Variants in RERE observed in about 807,000 individuals in gnomAD.
RERE encodes arginine-glutamic acid dipeptide repeats.
Under a neutral mutation model 146.1 loss-of-function variants are expected in RERE, and 40 were observed. The observed-to-expected ratio is 0.27, with a 90% CI of 0.21 to 0.36. RERE has a LOEUF of 0.36. Ranked by LOEUF, RERE falls within the 10% of genes least tolerant of loss-of-function variation. The probability of loss-of-function intolerance (pLI) is 1.00; values close to 1 mark genes in which losing one functional copy is unlikely to be tolerated. For missense variants in RERE, 1,933 were observed against 2,138.7 expected, an observed-to-expected ratio of 0.90 and a Z score of 1.90; for synonymous variants, 1,003 against 866.0, an observed-to-expected ratio of 1.16 and a Z score of -2.78.
intron 1 of RERE, among the ~76,000 whole-genome samples, chr1:8,670,412 G>C (rs139098594): frequency 6.6e-6 from 1 of 152,150 alleles, no homozygotes; most frequent in South Asian, 2.1e-4. Context: ...GCTATGTCCA[G>C]AACACACACA....
chr1:8,766,387 A>C (rs1440119450), intron 1 of RERE, among the ~76,000 whole-genome samples: 1 of 151,948 alleles, frequency 6.6e-6, no homozygotes, highest in African/African-American at 2.4e-5. Context: ...TAAAAATCAA[A>C]AAATTAGCTG....
At chr1:8,607,076 G>C (rs989942970) in intron 4 of RERE, among the ~76,000 whole-genome samples, 2 of 152,090 alleles carry the variant, frequency 1.3e-5, no homozygotes, top group African/African-American at 4.8e-5. Context: ...AGAAGATATT[G>C]CCGGCCAGAC....
intron 10 of RERE, among the ~76,000 whole-genome samples, chr1:8,466,545 C>T (rs1026207109): frequency 1.3e-5 from 2 of 152,052 alleles, no homozygotes; most frequent in African/African-American, 4.8e-5. Flanking sequence ...CCTCATTCTC[C>T]GCAAAGCAGC....
chr1:8,564,006 A>C (rs1646109267), intron 4 of RERE, among the ~76,000 whole-genome samples: 1 of 152,238 alleles, frequency 6.6e-6, no homozygotes, highest in Admixed American at 6.5e-5. Flanking sequence ...ATCTCCCTTC[A>C]AGTGTGCTCA....
chr1:8,512,318 C>T (rs1314436801), intron 7 of RERE, among the ~76,000 whole-genome samples: 1 of 151,980 alleles, frequency 6.6e-6, no homozygotes, highest in African/African-American at 2.4e-5. Context: ...CAGGCGTGAG[C>T]CACCGCGCCC....
chr1:8,619,536 C>T (rs1349103338), intron 3 of RERE, among the ~76,000 whole-genome samples: 2 of 152,168 alleles, frequency 1.3e-5, no homozygotes. Context: ...ATGCAAGAAT[C>T]CACACTGAAT....
In RERE at chr1:8,497,400, A is replaced by C. The variant is rs758374382; in HGVS notation, c.1004+5T>G. 1.9e-6 allele frequency: 3 copies of C among 1,614,076 alleles called. No homozygotes were observed. Among genetic ancestry groups the C allele is most frequent in the South Asian group, 2.2e-5 (2 of 91,084 alleles). The stretch of plus-strand genomic sequence containing the variant: ...GAAAGCAGGATGGGGGTAGATTCCT[A>C]TTACCTTGCTGCCCTCAAGTACATA... On this transcript the variant is annotated splice_donor_5th_base_variant and intron_variant, in intron 9 of 22. Transcript: ENST00000400908.
chr1:8,801,811 T>C (rs1557551526), intron 1 of RERE, among the ~76,000 whole-genome samples: 1 of 152,206 alleles, frequency 6.6e-6, no homozygotes, highest in Non-Finnish European at 1.5e-5. Context: ...CACATACTTG[T>C]ACAATAGTAC....
intron 12 of RERE, among the ~76,000 whole-genome samples, chr1:8,385,602 A>C (rs1435712095): frequency 6.6e-6 from 1 of 152,102 alleles, no homozygotes; most frequent in Non-Finnish European, 1.5e-5. Context: ...GTGACCAAAC[A>C]AAACAATGTA....
intron 12 of RERE, among the ~76,000 whole-genome samples, chr1:8,378,777 A>G (rs1466594806): frequency 6.6e-6 from 1 of 152,188 alleles, no homozygotes; most frequent in Non-Finnish European, 1.5e-5. Context: ...ACATAAGCCT[A>G]AGGACAGGGC....
At chr1:8,773,399 AAAG>A (rs1262343325) in intron 1 of RERE, among the ~76,000 whole-genome samples, 4 of 152,306 alleles carry the variant, frequency 2.6e-5, no homozygotes, top group African/African-American at 7.2e-5. Context: ...GCAGATGCTG[AAAG>A]AAGGTTGCTG....
At chr1:8,736,074 G>T (rs1464009968) in intron 1 of RERE, among the ~76,000 whole-genome samples, 1 of 152,166 alleles carries the variant, frequency 6.6e-6, no homozygotes, top group African/African-American at 2.4e-5. Flanking sequence ...AGTAAATATG[G>T]TAAATGTATA....
chr1:8,450,414 T>C (rs1228259262), intron 11 of RERE, among the ~76,000 whole-genome samples: 3 of 150,518 alleles, frequency 2.0e-5, no homozygotes, highest in Non-Finnish European at 4.4e-5. Context: ...TCCCTCTCCA[T>C]GGGACCTAAA....
At chr1:8,381,918 G>C (rs1642474677) in intron 12 of RERE, among the ~76,000 whole-genome samples, 1 of 152,176 alleles carries the variant, frequency 6.6e-6, no homozygotes, top group South Asian at 2.1e-4. Context: ...GCTGCACTGT[G>C]GTCCAATGAC....
chr1:8,392,424 G>A lies in RERE; in HGVS notation c.1285-26450C>T, dbSNP rs561918606. On this transcript the variant is annotated intron_variant, in intron 12 of 22. Transcript: ENST00000400908. ...AATATCTCTATCTATATATCTCTCT[G>A]TCTATCCATCTATCTATCTAGATAA... 3.4e-4 allele frequency among the ~76,000 whole-genome samples: 51 copies of A among 152,204 alleles called. 2 individuals carry two copies. The South Asian group carries it at 0.011, about 32-fold the overall frequency.
intron 12 of RERE, among the ~76,000 whole-genome samples, chr1:8,413,114 C>T (rs905195950): frequency 1.3e-5 from 2 of 152,096 alleles, no homozygotes; most frequent in South Asian, 2.1e-4. Context: ...TTTATACATG[C>T]GTGAACACAC....
Position 8,467,069 on chromosome 1 carries a change from G to T in RERE, c.1105-1046C>A, listed in dbSNP as rs148908415. Among the ~76,000 whole-genome samples the T allele has an allele frequency of 1.2e-4, 19 of 152,246 alleles. No homozygotes were observed. In the East Asian group the frequency reaches 3.3e-3, roughly 26 times the overall value. On this transcript the variant is annotated intron_variant, in intron 10 of 22. Coordinates refer to ENST00000400908, the MANE Select transcript of RERE (RefSeq NM_001042681.2). ...TCTCCAGTGCTGAACACAGTCCATA[G>T]TATAAGGTAATACTCCAGAAAAACT...
At chr1:8,752,579 G>C (rs1640560425) in intron 1 of RERE, among the ~76,000 whole-genome samples, 1 of 152,122 alleles carries the variant, frequency 6.6e-6, no homozygotes, top group South Asian at 2.1e-4. Flanking sequence ...TAAGAACACT[G>C]ACAAACTGAG....
At chr1:8,591,450 A>C (rs562691376) in intron 4 of RERE, among the ~76,000 whole-genome samples, 1 of 152,112 alleles carries the variant, frequency 6.6e-6, no homozygotes, top group Admixed American at 6.5e-5. Context: ...AAAGAAAAGA[A>C]AAGCCAATTT....
Sources: allele counts gnomAD v4.1 joint callset (sites outside exome capture counted in the v4.1 genomes callset), GRCh38; gene constraint gnomAD v4.1.1; transcripts MANE v1.5; gene names NCBI Gene and HGNC (gene_info 2026-07-23, HGNC 2026-07-21).